SUCO: variants seen among roughly 807,000 people sequenced by gnomAD.
SUCO encodes SUN domain containing ossification factor, also known as SUN domain-containing ossification factor.
SUCO carries 57 observed loss-of-function variants against 148.1 expected under a neutral mutation model. The observed-to-expected ratio is 0.38, with a 90% CI of 0.31 to 0.48. The LOEUF (loss-of-function observed/expected upper bound fraction) is 0.48, where lower values mean the gene tolerates loss of function less well. SUCO is among the 20% of genes least tolerant of loss of function. SUCO has a pLI of 0.96. For missense variants in SUCO, 1,331 were observed against 1,468.2 expected, an observed-to-expected ratio of 0.91 and a Z score of 1.53; for synonymous variants, 470 against 502.7, an observed-to-expected ratio of 0.93 and a Z score of 0.87.
At chr1:172,563,768 G>C (rs986847594) in intron 6 of SUCO, among the ~76,000 whole-genome samples, 15 of 152,210 alleles carry the variant, frequency 9.9e-5, no homozygotes, top group Admixed American at 9.2e-4. Context: ...GGAGCCAAAT[G>C]TTAATAGCCA....
At chr1:172,544,182 A>G (rs1558171293) in intron 1 of SUCO, 10 of 954,248 alleles carry the variant, frequency 1.0e-5, no homozygotes, top group Non-Finnish European at 1.2e-5. Context: ...ATATTTCTGT[A>G]CAAGGGATTA....
At chr1:172,605,966 C>T (rs1176091739) in intron 22 of SUCO, among the ~76,000 whole-genome samples, 1 of 151,438 alleles carries the variant, frequency 6.6e-6, no homozygotes, top group Non-Finnish European at 1.5e-5. Context: ...TGTATTTTGT[C>T]ATTATGTGTT....
At chr1:172,543,091 C>T in intron 1 of SUCO, 1 of 811,180 alleles carries the variant, frequency 1.2e-6, no homozygotes, top group Non-Finnish European at 1.5e-6. Flanking sequence ...ATGCTGCAAC[C>T]CATTTTACAC....
chr1:172,537,552 G>A (rs1652117980), intron 1 of SUCO, among the ~76,000 whole-genome samples: 2 of 152,194 alleles, frequency 1.3e-5, no homozygotes, highest in South Asian at 4.2e-4. Context: ...ACCTAACTGG[G>A]GAAACATAAA....
At chr1:172,609,264 T>A in intron 23 of SUCO, 1 of 985,014 alleles carries the variant, frequency 1.0e-6, no homozygotes, top group Middle Eastern at 5.2e-4. Context: ...TACTTAGGAT[T>A]TTTTGGCTTC....
intron 22 of SUCO, 166 bp from the exon 23 acceptor site, chr1:172,608,581 A>C: frequency 1.6e-6 from 1 of 639,322 alleles, no homozygotes; most frequent in Middle Eastern, 4.2e-4. Context: ...TTTGCTTACT[A>C]ATTTAAAATG....
chr1:172,579,047 T>TG (rs1219239484), intron 14 of SUCO, among the ~76,000 whole-genome samples, 155 bp from the exon 15 acceptor site: 3 of 152,116 alleles, frequency 2.0e-5, no homozygotes, highest in Non-Finnish European at 4.4e-5. Context: ...TAATCTTACA[T>TG]GCTTTTTGTG....
chr1:172,534,378 T>C (rs560228723), intron 1 of SUCO, among the ~76,000 whole-genome samples: 2 of 152,270 alleles, frequency 1.3e-5, no homozygotes, highest in African/African-American at 2.4e-5. Context: ...TTCTTCAGTC[T>C]AGGCGATTTG....
chr1:172,568,266 G>A (rs932992386), intron 6 of SUCO: 2 of 956,498 alleles, frequency 2.1e-6, no homozygotes, highest in South Asian at 4.8e-5. Flanking sequence ...TACTGAAATT[G>A]TATTTCTTTT....
rs2981376 is a variant in SUCO, at chr1:172,551,807, T to G, written c.177+181T>G. On this transcript the variant is annotated intron_variant, in intron 2 of 23. Coordinates refer to ENST00000263688, the MANE Select transcript of SUCO (RefSeq NM_014283.5). ...TGACGGCTCAGAGATATTTATATGTTTATTCTTGTTGCTTGTATTTGGAAT... is the reference window on the plus strand; with the variant it reads ...TGACGGCTCAGAGATATTTATATGTGTATTCTTGTTGCTTGTATTTGGAAT... 6.4e-3 allele frequency: 3,378 copies of G among 524,054 alleles called. 84 individuals are homozygous for G. The highest frequency in any genetic ancestry group is 0.058 in the African/African-American group (2,943 of 51,024). The allele number at this position is 524,054 out of a possible 1,614,324, so 32.5% of individuals were successfully genotyped here.
chr1:172,610,957 CA>C lies in SUCO; in HGVS notation c.*699del, dbSNP rs1203871310. ...CTAACTCAATGAGGAAAAATCCCTACAGGATCTTTTTTTGCAAACAACTGAT... is the reference window on the plus strand; with the variant it reads ...CTAACTCAATGAGGAAAAATCCCTACGGATCTTTTTTTGCAAACAACTGAT... On this transcript the variant is annotated 3_prime_UTR_variant, in exon 24 of 24. Coordinates refer to ENST00000263688, the MANE Select transcript of SUCO (RefSeq NM_014283.5). The C allele has an allele frequency of 6.6e-6, 1 of 152,496 alleles. No individual in the cohort carries two copies. Among genetic ancestry groups the C allele is most frequent in the African/African-American group, 2.4e-5 (1 of 41,440 alleles). 9.4% of individuals were successfully genotyped at this position (152,496 alleles called of 1,614,324 possible).
chr1:172,534,638 A>G (rs1651878636), intron 1 of SUCO, among the ~76,000 whole-genome samples: 2 of 152,172 alleles, frequency 1.3e-5, no homozygotes, highest in African/African-American at 4.8e-5. Flanking sequence ...TTCATTCTGA[A>G]TCCTTTTAAT....
At chr1:172,557,581 A>C in intron 5 of SUCO, 63 bp from the exon 6 acceptor site, 7 of 1,481,876 alleles carry the variant, frequency 4.7e-6, no homozygotes, top group Admixed American at 2.3e-5. Flanking sequence ...AAGAATTTAG[A>C]TTGTATAGAA....
chr1:172,605,084 C>T (rs1476121967), intron 22 of SUCO, among the ~76,000 whole-genome samples: 1 of 151,740 alleles, frequency 6.6e-6, no homozygotes, highest in South Asian at 2.1e-4. Context: ...TTATAACCCC[C>T]ATTAGATAAT....
chr1:172,610,539 C>T lies in SUCO; in HGVS notation c.*280C>T, dbSNP rs891438721. On this transcript the variant is annotated 3_prime_UTR_variant, in exon 24 of 24. Transcript: ENST00000263688. ...ACTGGGACAAAAGTAATTTGGAAGC[C>T]CAGTTCCTTAGGTGGGATAGGAATG... 4.9e-5 allele frequency: 14 copies of T among 287,874 alleles called. No homozygotes were observed. The highest frequency in any genetic ancestry group is 7.5e-5 in the Non-Finnish European group (12 of 160,668). The allele number at this position is 287,874 out of a possible 1,614,324, so 17.8% of individuals were successfully genotyped here. A position where few individuals can be genotyped will look rare whatever the true frequency, so the allele number is the denominator to read the frequency against.
chr1:172,587,776 T>A (rs1656341158), intron 17 of SUCO, among the ~76,000 whole-genome samples: 1 of 152,130 alleles, frequency 6.6e-6, no homozygotes, highest in Non-Finnish European at 1.5e-5. Context: ...TTTTTCAGAA[T>A]GGGAAAATGT....
chr1:172,601,665 C>T lies in SUCO; in HGVS notation c.3019-399C>T, dbSNP rs143414580. 8.2e-3 allele frequency among the ~76,000 whole-genome samples: 1,253 copies of T among 152,118 alleles called. 18 individuals carry two copies. The highest frequency in any genetic ancestry group is 0.028 in the African/African-American group (1,178 of 41,492). On this transcript the variant is annotated intron_variant, in intron 20 of 23. Transcript: ENST00000263688. ...GGTTGATCTCTAAGTTTTGGGCTTA[C>T]GTAACTGGGTGGTTGATAGTTCATT...
At chr1:172,542,781 T>C in intron 1 of SUCO, 1 of 985,266 alleles carries the variant, frequency 1.0e-6, no homozygotes, top group African/African-American at 1.7e-5. Context: ...TAAAGAAAGG[T>C]GCCAAGCATA....
rs554267635 is a variant in SUCO, at chr1:172,591,032, C to T, written c.2874C>T (p.Ile958=). The change falls in exon 19 of 24, where the codon ATC becomes ATT. Residue 958 remains isoleucine, a synonymous_variant. Transcript: ENST00000263688. ...TGCAAAAGGCTTTCAATAAAACAATCGTGAAACTTCAGAATACTTCAAGAA... is the reference window on the plus strand; with the variant it reads ...TGCAAAAGGCTTTCAATAAAACAATTGTGAAACTTCAGAATACTTCAAGAA... ...EEMQKAFNKT[I]VKLQNTSRIA... is the part of the protein sequence containing the mutation. 60 of 1,612,180 alleles carry T rather than the reference C, an allele frequency of 3.7e-5. No homozygotes were observed. In the African/African-American group the frequency reaches 4.0e-4, roughly 11 times the overall value.
Sources: allele counts gnomAD v4.1 joint callset (sites outside exome capture counted in the v4.1 genomes callset), GRCh38; gene constraint gnomAD v4.1.1; transcripts MANE v1.5; gene names NCBI Gene and HGNC (gene_info 2026-07-23, HGNC 2026-07-21).